The following PCNX2 variants were observed in gnomAD, a reference collection of about 807,000 sequenced individuals.
PCNX2 encodes the protein pecanex-like protein 2.
A neutral mutation model predicts 223.8 loss-of-function variants in PCNX2; 168 were observed. The observed-to-expected ratio is 0.75, with a 90% confidence interval of 0.66 to 0.85. PCNX2 has a LOEUF of 0.85. PCNX2 is among the 40% of genes least tolerant of loss of function. PCNX2 has a pLI of 0.00. For synonymous variants in PCNX2, 1,006 were observed against 1,052.6 expected (o/e 0.96, Z 0.86); for missense variants, 2,507 against 2,675.5 (o/e 0.94, Z 1.39).
Position 233,025,229 on chromosome 1 carries a change from C to T in PCNX2, c.4522G>A (p.Gly1508Ser), listed in dbSNP as rs1244208384. 2 of 1,613,858 alleles carry T rather than the reference C, an allele frequency of 1.2e-6. No individual in the cohort carries two copies. The highest frequency in any genetic ancestry group is 2.2e-5 in the East Asian group (1 of 44,898). ...EITQTQYILE[G>S]YSILDNNAAT... ...GCGTTGTTGTCCAGGATGCTGTAGC[C>T]CTCCAGGATGTACTGGGTCTGCGTG... Residue 1508 changes from glycine (G) to serine (S), a missense_variant, in exon 26 of 34, where the codon GGC (glycine) becomes AGC (serine). Physicochemically the swap from Gly to Ser is moderately conservative, Grantham distance 56. Around this residue, in one of 3 missense-constraint regions of PCNX2, gnomAD observed 1,372 missense variants for 1,509.4 expected, o/e 0.91. Transcript: ENST00000258229.
Position 233,227,209 on chromosome 1 carries a change from C to T in PCNX2, c.2504+17G>A, listed in dbSNP as rs762218960. The T allele has an allele frequency of 1.9e-6, 3 of 1,607,496 alleles. No homozygotes were observed. The highest frequency in any genetic ancestry group is 2.5e-6 in the Non-Finnish European group (3 of 1,176,610). The stretch of plus-strand genomic sequence containing the variant: ...GGTGTGCCTTCCGACAGTGTGTGTG[C>T]ATGCTCAGTGGCTTACCGATCAAGT... On this transcript the variant is annotated intron_variant, in intron 10 of 33. Transcript: ENST00000258229.
intron 9 of PCNX2, among the ~76,000 whole-genome samples, chr1:233,235,958 ATAT>A (rs1185957721): frequency 1.0e-3 from 20 of 19,378 alleles, no homozygotes; most frequent in Non-Finnish European, 2.8e-3. Flanking sequence ...ATAAAAAAAA[ATAT>A]ATATATATAT....
chr1:233,313,339 T>C, the PCNX2 span, among the ~76,000 whole-genome samples: 1 of 152,048 alleles, frequency 6.6e-6, no homozygotes, highest in Admixed American at 6.5e-5. Flanking sequence ...TTAGCCAAGA[T>C]TAGTCCCAGC....
At chr1:233,238,778 C>A (rs925851966) in intron 8 of PCNX2, among the ~76,000 whole-genome samples, 9 of 150,928 alleles carry the variant, frequency 6.0e-5, no homozygotes, top group African/African-American at 1.5e-4. Context: ...ATATAAAGAA[C>A]CGCTTAGGAA....
Position 233,258,111 on chromosome 1 carries a change from T to A in PCNX2, c.1751A>T (p.Glu584Val). The A allele has an allele frequency of 2.5e-6, 4 of 1,613,948 alleles. No homozygotes were observed. The highest frequency in any genetic ancestry group is 3.4e-6 in the Non-Finnish European group (4 of 1,179,848). The change falls in exon 5 of 34, where the codon GAA becomes GTA. Residue 584 changes from glutamate to valine, a missense_variant. Coordinates refer to ENST00000258229, the MANE Select transcript of PCNX2 (RefSeq NM_014801.4). ...SNFLEFVSLL[E>V]SINTSKMTAS... ...CGTCATCTTGGAAGTATTAATGGAT[T>A]CTAACAGGGAGACAAATTCCAGGAA...
the PCNX2 span, among the ~76,000 whole-genome samples, chr1:233,318,563 CTTTTTTTT>C: frequency 2.3e-4 from 21 of 92,518 alleles, 1 homozygote; most frequent in South Asian, 5.3e-3. Context: ...TTTTCTTTTT[CTTTTTTTT>C]TTTTTTTTTT....
intron 25 of PCNX2, among the ~76,000 whole-genome samples, chr1:233,047,076 C>G (rs1314937131): frequency 2.6e-5 from 4 of 152,180 alleles, no homozygotes; most frequent in Non-Finnish European, 5.9e-5. Context: ...GGAGGAGATA[C>G]AAGGCTCCAA....
intron 19 of PCNX2, among the ~76,000 whole-genome samples, chr1:233,146,943 G>C (rs1677487462): frequency 6.6e-6 from 1 of 152,260 alleles, no homozygotes. Flanking sequence ...ACAAAAGTAG[G>C]TTTTTCATAA....
chr1:233,044,280 T>G (rs559223743), intron 25 of PCNX2, among the ~76,000 whole-genome samples: 2 of 152,226 alleles, frequency 1.3e-5, no homozygotes, highest in African/African-American at 2.4e-5. Flanking sequence ...GTAAATTTGT[T>G]TGAGTTCATT....
At chr1:233,032,912 T>A (rs773935730) in intron 25 of PCNX2, 5 of 878,330 alleles carry the variant, frequency 5.7e-6, no homozygotes, top group Non-Finnish European at 6.8e-6. Context: ...ACACTCAGGA[T>A]CATATTAAAA....
intron 23 of PCNX2, among the ~76,000 whole-genome samples, chr1:233,068,366 A>G (rs1453522046): frequency 6.7e-6 from 1 of 150,374 alleles, no homozygotes; most frequent in Non-Finnish European, 1.5e-5. Flanking sequence ...TCCTCTAAGA[A>G]AAGAAAAGAA....
chr1:233,311,557 A>G, the PCNX2 span, among the ~76,000 whole-genome samples: 1 of 152,272 alleles, frequency 6.6e-6, no homozygotes, highest in Non-Finnish European at 1.5e-5. Flanking sequence ...GGAAAAACTG[A>G]GTAATACACA....
chr1:233,109,487 A>G (rs1483815327), intron 21 of PCNX2, among the ~76,000 whole-genome samples: 1 of 152,224 alleles, frequency 6.6e-6, no homozygotes, highest in African/African-American at 2.4e-5. Flanking sequence ...CTATAAAATA[A>G]AAAGTCAAGT....
Position 233,025,404 on chromosome 1 carries a change from C to G in PCNX2, c.4352-5G>C. 1.2e-6 allele frequency: 2 copies of G among 1,613,302 alleles called. No individual in the cohort carries two copies. Among genetic ancestry groups the G allele is most frequent in the African/African-American group, 1.3e-5 (1 of 75,038 alleles). On this transcript the variant is annotated splice_region_variant and splice_polypyrimidine_tract_variant and intron_variant, in intron 25 of 33. Coordinates refer to ENST00000258229, the MANE Select transcript of PCNX2 (RefSeq NM_014801.4). ...CCCTCTGCTGGCAGTAGGTTCCTGG[C>G]CGAGCACAAACATGAAGGAAGTTTG...
At chr1:233,231,768 A>T in intron 9 of PCNX2, 4 of 667,450 alleles carry the variant, frequency 6.0e-6, no homozygotes, top group Non-Finnish European at 7.4e-6. Context: ...CTGGTGTTAG[A>T]AATAGAATTT....
At position 233,120,230 on chromosome 1, in the gene PCNX2, G is replaced by C. The variant is rs189320321; in HGVS notation, c.3837+14783C>G. Among the ~76,000 whole-genome samples, 521 of 123,842 alleles carry C rather than the reference G, an allele frequency of 4.2e-3. 3 individuals are homozygous for C. The highest frequency in any genetic ancestry group is 0.015 in the African/African-American group (497 of 33,244). The allele number at this position is 123,842 out of a possible 152,430, so 81.2% of individuals were successfully genotyped here. A position where few individuals can be genotyped will look rare whatever the true frequency, so the allele number is the denominator to read the frequency against. On this transcript the variant is annotated intron_variant, in intron 21 of 33. Coordinates refer to ENST00000258229, the MANE Select transcript of PCNX2 (RefSeq NM_014801.4). ...AAAAAAAGAGTATAGAGTATATAAAGAATTCTCAAAATTAAACAGTAAAAA... is the reference window on the plus strand; with the variant it reads ...AAAAAAAGAGTATAGAGTATATAAACAATTCTCAAAATTAAACAGTAAAAA...
chr1:233,052,478 G>A lies in PCNX2; in HGVS notation c.4351+1790C>T, dbSNP rs572302782. On this transcript the variant is annotated intron_variant, in intron 25 of 33. Coordinates refer to ENST00000258229, the MANE Select transcript of PCNX2 (RefSeq NM_014801.4). ...GTGCTTCTTTGTCATCACATCTGCT[G>A]CTCCTTAGCAGGTAAGGCCCTTCCT... 9.8e-5 allele frequency among the ~76,000 whole-genome samples: 15 copies of A among 152,296 alleles called. No homozygotes were observed. In the South Asian group the frequency reaches 2.9e-3, roughly 29 times the overall value.
intron 10 of PCNX2, among the ~76,000 whole-genome samples, chr1:233,219,472 G>T (rs552283540): frequency 6.6e-6 from 1 of 152,084 alleles, no homozygotes; most frequent in African/African-American, 2.4e-5. Flanking sequence ...GGGCCTGGGT[G>T]TTTGGGTGGG....
Position 233,019,504 on chromosome 1 carries a change from C to T in PCNX2, c.4606-2350G>A, listed in dbSNP as rs896098665. On this transcript the variant is annotated intron_variant, in intron 26 of 33. Transcript: ENST00000258229. ...ACATGCTAATGATGCCCACGTTGCACGGCTGTTCTGAGGTTTAGAATGAGA... is the reference window on the plus strand; with the variant it reads ...ACATGCTAATGATGCCCACGTTGCATGGCTGTTCTGAGGTTTAGAATGAGA... Among the ~76,000 whole-genome samples, 7 of 152,230 alleles carry T rather than the reference C, an allele frequency of 4.6e-5. 1 individual carries two copies. In the South Asian group the frequency reaches 1.3e-3, roughly 27 times the overall value.
Sources: gnomAD v4.1 joint callset for allele counts (sites outside exome capture counted in the v4.1 genomes callset) on GRCh38, gnomAD v4.1.1 for gene constraint, gnomAD v4.1.1 regional missense constraint, MANE v1.5 for transcripts, NCBI Gene and HGNC (gene_info 2026-07-23, HGNC 2026-07-21) for gene names.